The following NEGR1 variants were observed in gnomAD, a reference collection of about 807,000 sequenced individuals.
NEGR1 encodes neuronal growth regulator 1, also known as IgLON family member 4.
Under a neutral mutation model 40.9 loss-of-function variants are expected in NEGR1, and 10 were observed. That is an observed-to-expected ratio of 0.24 (90% CI 0.15 to 0.42). The LOEUF (loss-of-function observed/expected upper bound fraction) is 0.42, where lower values mean the gene tolerates loss of function less well. NEGR1 is among the 10% of genes least tolerant of loss of function. The pLI is 1.00. For synonymous variants in NEGR1, 185 were observed against 166.8 expected, an observed-to-expected ratio of 1.11 and a Z score of -0.84; for missense variants, 352 against 438.9, an observed-to-expected ratio of 0.80 and a Z score of 1.77.
intron 1 of NEGR1, among the ~76,000 whole-genome samples, chr1:71,979,079 C>T (rs1243376603): frequency 6.6e-6 from 1 of 151,972 alleles, no homozygotes; most frequent in Non-Finnish European, 1.5e-5. Context: ...GAGCTGGAGG[C>T]CATCATCCTT....
At chr1:71,948,873 A>G (rs1011462518) in intron 1 of NEGR1, among the ~76,000 whole-genome samples, 15 of 152,130 alleles carry the variant, frequency 9.9e-5, no homozygotes. Flanking sequence ...AGATTGCTGC[A>G]TATTTTTCGA....
chr1:71,683,289 C>G (rs184139397), intron 4 of NEGR1, among the ~76,000 whole-genome samples: 5 of 151,996 alleles, frequency 3.3e-5, no homozygotes, highest in Admixed American at 3.3e-4. Flanking sequence ...TTTTAAAGAT[C>G]CCTGGACTTT....
intron 6 of NEGR1, among the ~76,000 whole-genome samples, chr1:71,506,980 T>C (rs552690005): frequency 6.6e-6 from 1 of 152,176 alleles, no homozygotes. Context: ...TATATACTGA[T>C]TCTAAATGTG....
chr1:72,065,065 T>C (rs558766896), intron 1 of NEGR1, among the ~76,000 whole-genome samples: 4 of 152,170 alleles, frequency 2.6e-5, no homozygotes, highest in Admixed American at 1.3e-4. Flanking sequence ...TATTTTGATA[T>C]GTAAGGGTGT....
At chr1:72,162,803 CAGAGGAT>C (rs1651624790) in intron 1 of NEGR1, among the ~76,000 whole-genome samples, 1 of 152,098 alleles carries the variant, frequency 6.6e-6, no homozygotes, top group Admixed American at 6.6e-5. Context: ...ATGCAGACTG[CAGAGGAT>C]AGCAGTATTT....
intron 6 of NEGR1, among the ~76,000 whole-genome samples, chr1:71,440,140 C>A (rs1265677802): frequency 6.6e-6 from 1 of 151,982 alleles, no homozygotes; most frequent in Non-Finnish European, 1.5e-5. Context: ...TAAATGTTTC[C>A]AAATGAATAA....
At chr1:72,069,655 T>C (rs1311978643) in intron 1 of NEGR1, among the ~76,000 whole-genome samples, 1 of 152,112 alleles carries the variant, frequency 6.6e-6, no homozygotes, top group Non-Finnish European at 1.5e-5. Flanking sequence ...TTCACAGTAG[T>C]TCCCACTGAA....
intron 5 of NEGR1, 66 bp from the exon 6 acceptor site, chr1:71,593,034 G>A: frequency 8.1e-7 from 1 of 1,232,666 alleles, no homozygotes. Flanking sequence ...TTTTATCTTA[G>A]CTGGGGTTGT....
chr1:72,128,855 T>C (rs1650131554), intron 1 of NEGR1, among the ~76,000 whole-genome samples: 1 of 152,106 alleles, frequency 6.6e-6, no homozygotes, highest in Admixed American at 6.5e-5. Context: ...CTCCTCAATA[T>C]GAGTGGGTAT....
chr1:71,593,057 T>A (rs767791010), intron 5 of NEGR1, 89 bp from the exon 6 acceptor site: 29 of 830,630 alleles, frequency 3.5e-5, no homozygotes, highest in Non-Finnish European at 5.7e-5. Context: ...TGGCAACCCA[T>A]AGACAATTCA....
chr1:71,694,421 C>A (rs918287487), intron 4 of NEGR1, among the ~76,000 whole-genome samples: 2 of 151,806 alleles, frequency 1.3e-5, no homozygotes, highest in Non-Finnish European at 2.9e-5. Flanking sequence ...TATCCCCCTA[C>A]TTAGAAATAA....
intron 1 of NEGR1, among the ~76,000 whole-genome samples, chr1:72,053,435 G>A (rs1205817269): frequency 1.3e-5 from 2 of 150,222 alleles, no homozygotes; most frequent in Non-Finnish European, 3.0e-5. Flanking sequence ...ATTTCCATGA[G>A]AATCTTAGCC....
In NEGR1 at chr1:71,698,035, C is replaced by T. The variant is rs1653543704; in HGVS notation, c.640G>A (p.Val214Met). ...SAENDVSFPD[V>M]RKVKVVVNFA... Reference sequence around the variant, plus strand: ...TTGACAACAACTTTTACTTTCCTCACATCTGGGAATGACACATCATTTTCC... The same window carrying T: ...TTGACAACAACTTTTACTTTCCTCATATCTGGGAATGACACATCATTTTCC... Residue 214 changes from valine to methionine, a missense_variant, in exon 4 of 7, where the codon GTG (valine) becomes ATG (methionine). By Grantham distance (21) the Val-to-Met change is conservative (BLOSUM62 1). Around this residue, in one of 5 missense-constraint regions of NEGR1, gnomAD observed 184 missense variants for 208.7 expected, o/e 0.88. Coordinates refer to ENST00000357731, the MANE Select transcript of NEGR1 (RefSeq NM_173808.3). 6.2e-7 allele frequency: 1 copy of T among 1,611,562 alleles called. No individual in the cohort carries two copies. The highest frequency in any genetic ancestry group is 1.3e-5 in the African/African-American group (1 of 74,896).
intron 2 of NEGR1, among the ~76,000 whole-genome samples, chr1:71,931,011 C>A (rs1280457682): frequency 6.6e-6 from 1 of 152,096 alleles, no homozygotes; most frequent in African/African-American, 2.4e-5. Flanking sequence ...CTGAGGCTAT[C>A]CTCAAAAGGG....
intron 2 of NEGR1, among the ~76,000 whole-genome samples, chr1:71,819,708 A>G (rs1232808372): frequency 6.6e-6 from 1 of 152,012 alleles, no homozygotes; most frequent in African/African-American, 2.4e-5. Flanking sequence ...CTAGAAATAA[A>G]TCAATGCAAA....
At chr1:72,267,268 C>T (rs570745450) in intron 1 of NEGR1, among the ~76,000 whole-genome samples, 6 of 150,860 alleles carry the variant, frequency 4.0e-5, no homozygotes, top group Non-Finnish European at 1.5e-5. Flanking sequence ...ACATACAATG[C>T]ATATGTAATT....
chr1:72,029,263 T>C (rs1300119299), intron 1 of NEGR1, among the ~76,000 whole-genome samples: 1 of 152,224 alleles, frequency 6.6e-6, no homozygotes. Flanking sequence ...GAGGATCACT[T>C]GAGCCCAGGA....
At chr1:72,083,136 T>C (rs1271975071) in intron 1 of NEGR1, among the ~76,000 whole-genome samples, 1 of 152,170 alleles carries the variant, frequency 6.6e-6, no homozygotes, top group Admixed American at 6.6e-5. Flanking sequence ...ATGCTGAATT[T>C]TCTAGTGATG....
chr1:71,671,271 G>A (rs1465532526), intron 4 of NEGR1, among the ~76,000 whole-genome samples: 1 of 152,072 alleles, frequency 6.6e-6, no homozygotes, highest in Non-Finnish European at 1.5e-5. Flanking sequence ...TGGCAGTAGA[G>A]GGCTAACTCA....
Sources: allele counts gnomAD v4.1 joint callset (sites outside exome capture counted in the v4.1 genomes callset), GRCh38; gene constraint gnomAD v4.1.1; regional missense constraint gnomAD v4.1.1; transcripts MANE v1.5; gene names NCBI Gene and HGNC (gene_info 2026-07-23, HGNC 2026-07-21).